Variants in SPATA13 observed in about 807,000 individuals in gnomAD.
The protein encoded by SPATA13 is spermatogenesis associated 13, also known as spermatogenesis-associated protein 13.
A neutral mutation model predicts 104.0 loss-of-function variants in SPATA13; 50 were observed. The observed-to-expected ratio is 0.48, with a 90% CI of 0.38 to 0.61. SPATA13 has a LOEUF of 0.61. Ranked by LOEUF, SPATA13 falls within the 20% of genes least tolerant of loss-of-function variation. SPATA13 has a pLI of 0.00. For synonymous variants in SPATA13, 606 were observed against 667.5 expected (o/e 0.91, Z 1.42); for missense variants, 1,524 against 1,690.6 (o/e 0.90, Z 1.73).
chr13:23,983,956 T>G, intron 2 of SPATA13: 4 of 985,370 alleles, frequency 4.1e-6, no homozygotes, highest in Non-Finnish European at 4.8e-6. Context: ...ACTTTCTGCC[T>G]GCATGGCATT....
At chr13:24,214,845 AGT>A (rs1215159904) in intron 1 of SPATA13, among the ~76,000 whole-genome samples, 1 of 152,214 alleles carries the variant, frequency 6.6e-6, no homozygotes, top group African/African-American at 2.4e-5. Flanking sequence ...TTTAAGTATT[AGT>A]GATTCTTTAG....
chr13:24,221,740 G>A (rs930219376), intron 1 of SPATA13, among the ~76,000 whole-genome samples: 4 of 151,972 alleles, frequency 2.6e-5, no homozygotes, highest in African/African-American at 9.7e-5. Flanking sequence ...GTAGTGTGTG[G>A]TTGTCAGGGC....
At chr13:24,066,981 C>G (rs1442530790) in intron 3 of SPATA13, among the ~76,000 whole-genome samples, 2 of 152,198 alleles carry the variant, frequency 1.3e-5, no homozygotes, top group African/African-American at 4.8e-5. Flanking sequence ...GTTAACCTCA[C>G]AGTTTTAGAG....
chr13:24,084,491 CA>C (rs2137782530), intron 3 of SPATA13, among the ~76,000 whole-genome samples: 1 of 151,928 alleles, frequency 6.6e-6, no homozygotes, highest in African/African-American at 2.4e-5. Context: ...CTCTTAGCAC[CA>C]CCTGGGTTTC....
intron 4 of SPATA13, among the ~76,000 whole-genome samples, chr13:24,255,506 A>G (rs1873744783): frequency 6.6e-6 from 1 of 152,130 alleles, no homozygotes. Flanking sequence ...AACCATTCAG[A>G]TGACCAAGCT....
rs1876162582 is a variant in SPATA13, at chr13:24,289,182, C to CGTCA, written c.2847+5_2847+8dup. On this transcript the variant is annotated splice_donor_region_variant and intron_variant, in intron 8 of 12. Coordinates refer to ENST00000382108, the MANE Select transcript of SPATA13 (RefSeq NM_001166271.3). Reference sequence around the variant, plus strand: ...AGGATCTTGCTTTCTTCAAAATGTGCGTCACCCTTTACTTCATTATTAATA... The same window carrying CGTCA: ...AGGATCTTGCTTTCTTCAAAATGTGCGTCAGTCACCCTTTACTTCATTATTAATA... 6.2e-7 allele frequency: 1 copy of CGTCA among 1,605,088 alleles called. No homozygotes were observed. The highest frequency in any genetic ancestry group is 8.5e-7 in the Non-Finnish European group (1 of 1,176,990).
At chr13:24,122,510 C>T in intron 3 of SPATA13, 2 of 1,606,842 alleles carry the variant, frequency 1.2e-6, no homozygotes, top group Non-Finnish European at 8.5e-7. Flanking sequence ...TCAATATCAT[C>T]TTCATCACTC....
At chr13:24,021,716 C>CTT (rs574935275) in intron 3 of SPATA13, among the ~76,000 whole-genome samples, 7 of 145,220 alleles carry the variant, frequency 4.8e-5, no homozygotes, top group Admixed American at 1.4e-4. Context: ...GTTGGAAAAT[C>CTT]TTTTTTTTTT....
chr13:24,016,595 C>T (rs184288430), intron 2 of SPATA13, among the ~76,000 whole-genome samples: 2,732 of 152,332 alleles, frequency 0.018, 29 homozygotes, highest in Middle Eastern at 0.02. Context: ...TAAGCAGGCT[C>T]AGTGTCCAGG....
intron 4 of SPATA13, among the ~76,000 whole-genome samples, chr13:24,279,148 CA>C (rs1875290847): frequency 1.3e-5 from 2 of 152,048 alleles, no homozygotes; most frequent in African/African-American, 2.4e-5. Flanking sequence ...AAAACTAAAC[CA>C]GGGGAGACAG....
At chr13:24,285,136 C>T (rs377557799) in intron 5 of SPATA13, among the ~76,000 whole-genome samples, 7 of 152,040 alleles carry the variant, frequency 4.6e-5, no homozygotes, top group Non-Finnish European at 8.8e-5. Context: ...TATCGTTGGG[C>T]GCTAAGGAGA....
At chr13:23,995,212 T>G (rs547606489) in intron 2 of SPATA13, among the ~76,000 whole-genome samples, 1 of 132,728 alleles carries the variant, frequency 7.5e-6, no homozygotes, top group South Asian at 2.3e-4. Context: ...AAATTGCATG[T>G]TAAAATTATT....
chr13:24,291,970 A>G (rs920496438), intron 9 of SPATA13, among the ~76,000 whole-genome samples: 2 of 150,848 alleles, frequency 1.3e-5, no homozygotes, highest in Admixed American at 6.6e-5. Context: ...GTTAGCCAGG[A>G]TGGTCTCGAT....
intron 3 of SPATA13, among the ~76,000 whole-genome samples, chr13:24,135,281 C>T (rs1881523611): frequency 6.6e-6 from 1 of 152,096 alleles, no homozygotes; most frequent in African/African-American, 2.4e-5. Flanking sequence ...AGGAAAGAGA[C>T]AGTACAACAA....
chr13:24,292,427 G>A (rs1408589133), intron 9 of SPATA13, among the ~76,000 whole-genome samples: 2 of 152,190 alleles, frequency 1.3e-5, no homozygotes, highest in East Asian at 3.9e-4. Flanking sequence ...GGGCGCAGGG[G>A]TCTAGGCTAA....
intron 7 of SPATA13, among the ~76,000 whole-genome samples, chr13:24,288,357 T>C (rs1876103953): frequency 6.6e-6 from 1 of 152,254 alleles, no homozygotes; most frequent in African/African-American, 2.4e-5. Flanking sequence ...TTTTACTCCA[T>C]GGTCAGTTTA....
intron 1 of SPATA13, among the ~76,000 whole-genome samples, chr13:24,198,145 G>A (rs1017919247): frequency 7.9e-5 from 12 of 152,044 alleles, no homozygotes; most frequent in South Asian, 2.1e-4. Flanking sequence ...ACAGGCGCCC[G>A]CCACCATGCC....
At chr13:24,073,054 G>A (rs997831932) in intron 3 of SPATA13, among the ~76,000 whole-genome samples, 4 of 152,032 alleles carry the variant, frequency 2.6e-5, no homozygotes, top group East Asian at 1.9e-4. Flanking sequence ...AGGGATCACC[G>A]ATATTTTGAT....
At chr13:24,031,310 T>G (rs1196910330) in intron 3 of SPATA13, among the ~76,000 whole-genome samples, 1 of 152,186 alleles carries the variant, frequency 6.6e-6, no homozygotes, top group African/African-American at 2.4e-5. Context: ...GTTGGGAGAC[T>G]CCCTTCCATT....
Sources: allele counts gnomAD v4.1 joint callset (sites outside exome capture counted in the v4.1 genomes callset), GRCh38; gene constraint gnomAD v4.1.1; transcripts MANE v1.5; gene names NCBI Gene and HGNC (gene_info 2026-07-23, HGNC 2026-07-21).